Variants in SMIM35 observed in about 807,000 individuals in gnomAD.
SMIM35 encodes the protein TMPRSS4 antisense RNA 1 (non-protein coding).
intron 1 of SMIM35, among the ~76,000 whole-genome samples, chr11:118,019,678 G>C (rs1260100212): frequency 1.3e-5 from 2 of 151,798 alleles, no homozygotes; most frequent in Non-Finnish European, 2.9e-5. Flanking sequence ...TCTCCTCCGA[G>C]ACATACTCCT....
chr11:118,068,684 T>G (rs1333043046), intron 1 of SMIM35, among the ~76,000 whole-genome samples: 2 of 152,176 alleles, frequency 1.3e-5, no homozygotes, highest in Admixed American at 1.3e-4. Context: ...TACCTGCATG[T>G]GGAACCTCAC....
intron 1 of SMIM35, among the ~76,000 whole-genome samples, chr11:118,019,898 C>T (rs2058211838): frequency 2.0e-5 from 3 of 152,148 alleles, no homozygotes; most frequent in Admixed American, 2.0e-4. Context: ...TTCTATTGGT[C>T]TACGTGTCTG....
intron 1 of SMIM35, among the ~76,000 whole-genome samples, chr11:118,084,254 G>T (rs1232430094): frequency 1.3e-5 from 2 of 152,130 alleles, no homozygotes; most frequent in African/African-American, 4.8e-5. Flanking sequence ...GACCTAGGCT[G>T]CAGGATTCCA....
chr11:118,039,546 CA>C (rs1313364077), intron 1 of SMIM35, among the ~76,000 whole-genome samples: 1 of 151,728 alleles, frequency 6.6e-6, no homozygotes, highest in Non-Finnish European at 1.5e-5. Context: ...TCCATCTCTA[CA>C]AAAAATACAA....
At chr11:118,069,787 C>T (rs924513762) in intron 1 of SMIM35, among the ~76,000 whole-genome samples, 4 of 152,102 alleles carry the variant, frequency 2.6e-5, no homozygotes, top group South Asian at 4.1e-4. Flanking sequence ...CAAGGCCAGG[C>T]GCGGTGGCTC....
chr11:118,080,986 C>A (rs905563489), intron 1 of SMIM35, among the ~76,000 whole-genome samples: 1 of 152,220 alleles, frequency 6.6e-6, no homozygotes, highest in Non-Finnish European at 1.5e-5. Flanking sequence ...TCTTTTAAAC[C>A]TGTTGCCACC....
chr11:118,007,594 C>T (rs1175401964), intron 4 of SMIM35, among the ~76,000 whole-genome samples: 1 of 152,168 alleles, frequency 6.6e-6, no homozygotes. Context: ...CAGGGTTTCA[C>T]CATGTTGGCC....
In SMIM35 at chr11:118,006,220, G is replaced by A. The variant is rs963789355; in HGVS notation, c.*190C>T. 2.0e-5 allele frequency: 3 copies of A among 152,280 alleles called. No individual in the cohort carries two copies. Among genetic ancestry groups the A allele is most frequent in the African/African-American group, 7.2e-5 (3 of 41,462 alleles). The allele number at this position is 152,280 out of a possible 1,614,324, so 9.4% of individuals were successfully genotyped here. On this transcript the variant is annotated 3_prime_UTR_variant, in exon 5 of 5. Coordinates refer to ENST00000689828, the MANE Select transcript of SMIM35 (RefSeq NM_001394165.1). Reference sequence around the variant, plus strand: ...ACATGGTATGCTATAATATGCGAATGGCCGGATGGACTGCCGCAGCAAGCT... The same window carrying A: ...ACATGGTATGCTATAATATGCGAATAGCCGGATGGACTGCCGCAGCAAGCT...
intron 1 of SMIM35, among the ~76,000 whole-genome samples, chr11:118,024,951 A>G (rs1339878931): frequency 6.7e-6 from 1 of 149,226 alleles, no homozygotes; most frequent in Non-Finnish European, 1.5e-5. Context: ...AGTGGTCCCC[A>G]GTGTCTATTT....
At chr11:118,086,402 C>A (rs545236807) in intron 1 of SMIM35, among the ~76,000 whole-genome samples, 1 of 152,346 alleles carries the variant, frequency 6.6e-6, no homozygotes, top group South Asian at 2.1e-4. Context: ...TGGTTTAGAA[C>A]AAGGCAAAAT....
intron 1 of SMIM35, among the ~76,000 whole-genome samples, chr11:118,038,457 A>G (rs1943946234): frequency 6.6e-6 from 1 of 152,174 alleles, no homozygotes; most frequent in South Asian, 2.1e-4. Context: ...TTACTTTTCT[A>G]TATGATGTGC....
intron 1 of SMIM35, chr11:118,025,794 T>C (rs1479666980): frequency 2.2e-6 from 1 of 447,120 alleles, no homozygotes; most frequent in Admixed American, 2.5e-5. Context: ...CCCTTTAGTT[T>C]AATCAGGTCC....
chr11:118,075,498 C>A (rs1039176755), intron 1 of SMIM35, among the ~76,000 whole-genome samples: 5 of 152,234 alleles, frequency 3.3e-5, no homozygotes, highest in Admixed American at 1.3e-4. Context: ...CACTTGTGTT[C>A]CATTCAGCCT....
intron 1 of SMIM35, among the ~76,000 whole-genome samples, chr11:118,069,736 T>C (rs1319773063): frequency 6.6e-6 from 1 of 152,144 alleles, no homozygotes; most frequent in Non-Finnish European, 1.5e-5. Context: ...TCTGTTATCT[T>C]GGGAGCTGGT....
chr11:118,073,702 C>T (rs1260645148), intron 1 of SMIM35, among the ~76,000 whole-genome samples: 1 of 152,166 alleles, frequency 6.6e-6, no homozygotes, highest in African/African-American at 2.4e-5. Flanking sequence ...GGGTGACCGC[C>T]TCTGTGCTGT....
chr11:118,018,285 A>T (rs2135027577), intron 1 of SMIM35, among the ~76,000 whole-genome samples: 1 of 152,300 alleles, frequency 6.6e-6, no homozygotes, highest in African/African-American at 2.4e-5. Flanking sequence ...CTTGGAGCAG[A>T]TAAAGGGCAT....
intron 1 of SMIM35, among the ~76,000 whole-genome samples, chr11:118,078,575 A>G (rs1278097121): frequency 6.6e-6 from 1 of 152,148 alleles, no homozygotes; most frequent in Non-Finnish European, 1.5e-5. Context: ...AGGCGCCCCA[A>G]AGTTTGGCCT....
At chr11:118,045,875 C>T (rs768000087) in intron 1 of SMIM35, among the ~76,000 whole-genome samples, 2 of 152,194 alleles carry the variant, frequency 1.3e-5, no homozygotes, top group African/African-American at 4.8e-5. Flanking sequence ...GACTTGGAGC[C>T]AGGCCATCTG....
intron 1 of SMIM35, among the ~76,000 whole-genome samples, chr11:118,055,629 A>C (rs184241086): frequency 1.5e-4 from 23 of 151,938 alleles, no homozygotes; most frequent in Non-Finnish European, 2.8e-4. Flanking sequence ...TGAGTCGGAG[A>C]CTCTACTCTA....
Sources: allele counts gnomAD v4.1 joint callset (sites outside exome capture counted in the v4.1 genomes callset), GRCh38; gene constraint gnomAD v4.1.1; transcripts MANE v1.5; gene names NCBI Gene and HGNC (gene_info 2026-07-23, HGNC 2026-07-21).